SLCO3A1: variants seen among roughly 807,000 people sequenced by gnomAD.
SLCO3A1 encodes the protein PGE1 transporter.
Under a neutral mutation model 63.1 loss-of-function variants are expected in SLCO3A1, and 27 were observed. That is an observed-to-expected ratio of 0.43 (90% CI 0.32 to 0.59). The LOEUF (loss-of-function observed/expected upper bound fraction) is 0.59, where lower values mean the gene tolerates loss of function less well. Ranked by LOEUF, SLCO3A1 falls within the 20% of genes least tolerant of loss-of-function variation. The pLI is 0.09. For synonymous variants in SLCO3A1, 473 were observed against 409.9 expected, an observed-to-expected ratio of 1.15 and a Z score of -1.86; for missense variants, 773 against 945.8, an observed-to-expected ratio of 0.82 and a Z score of 2.40.
rs2048205427 is a variant in SLCO3A1, at chr15:92,145,220, TGA to T, written c.1513-1760_1513-1759del. Among the ~76,000 whole-genome samples the T allele has an allele frequency of 2.0e-5, 3 of 152,126 alleles. No individual in the cohort carries two copies. In the South Asian group the frequency reaches 6.2e-4, roughly 32 times the overall value. On this transcript the variant is annotated intron_variant, in intron 7 of 9. Transcript: ENST00000318445. ...GAAACAGAAGCCAGTCAGAGTCAGC[TGA>T]GAGCGTGGGAGAAAAGGAAATGCAG...
chr15:92,004,294 T>C (rs1448167276), intron 2 of SLCO3A1, among the ~76,000 whole-genome samples: 3 of 152,224 alleles, frequency 2.0e-5, no homozygotes, highest in Non-Finnish European at 2.9e-5. Flanking sequence ...GCTCAGCCTC[T>C]GCATCCTCCT....
At chr15:91,934,356 C>T (rs1399189150) in intron 2 of SLCO3A1, among the ~76,000 whole-genome samples, 1 of 152,194 alleles carries the variant, frequency 6.6e-6, no homozygotes, top group Non-Finnish European at 1.5e-5. Flanking sequence ...AGTGAATGGT[C>T]AGGGTCTTGC....
At chr15:92,123,347 C>T (rs540869563) in intron 5 of SLCO3A1, among the ~76,000 whole-genome samples, 1 of 152,156 alleles carries the variant, frequency 6.6e-6, no homozygotes, top group Non-Finnish European at 1.5e-5. Flanking sequence ...GTGGAGGTTG[C>T]AGTGAGCCGA....
chr15:92,023,836 T>C (rs1311717265), intron 2 of SLCO3A1, among the ~76,000 whole-genome samples: 1 of 152,200 alleles, frequency 6.6e-6, no homozygotes, highest in Non-Finnish European at 1.5e-5. Flanking sequence ...CTACAGAAAC[T>C]CATTCTGAAG....
rs561315435 is a variant in SLCO3A1 at position 91,854,726 on chromosome 15, C to T, written c.180+638C>T. Among the ~76,000 whole-genome samples the T allele has an allele frequency of 2.2e-4, 34 of 152,302 alleles. 1 individual carries two copies. Among genetic ancestry groups the T allele is most frequent in the Admixed American group, 1.9e-3 (29 of 15,310 alleles). ...GGATAAAGTTACGGTACCTAGAGAGCAGCTGCGAGTTTGTGTAGTTCCTGC... is the reference window on the plus strand; with the variant it reads ...GGATAAAGTTACGGTACCTAGAGAGTAGCTGCGAGTTTGTGTAGTTCCTGC... On this transcript the variant is annotated intron_variant, in intron 1 of 9. Transcript: ENST00000318445. The surrounding 1 kb of genome is among the most constrained non-coding windows in gnomAD (Gnocchi z 6.4).
chr15:92,101,068 A>C (rs1460155724), intron 3 of SLCO3A1, among the ~76,000 whole-genome samples: 1 of 152,136 alleles, frequency 6.6e-6, no homozygotes, highest in Non-Finnish European at 1.5e-5. Flanking sequence ...CACTGATAAC[A>C]TCTACCACAC....
chr15:91,983,762 C>A (rs1832053081), intron 2 of SLCO3A1, among the ~76,000 whole-genome samples: 1 of 151,984 alleles, frequency 6.6e-6, no homozygotes, highest in South Asian at 2.1e-4. Flanking sequence ...TGGAATGTGC[C>A]CTGGTAGCAG....
chr15:92,147,452 C>A lies in SLCO3A1; in HGVS notation c.1688+293C>A, dbSNP rs375066822. Among the ~76,000 whole-genome samples, 3 of 152,232 alleles carry A rather than the reference C, an allele frequency of 2.0e-5. No homozygotes were observed. In the South Asian group the frequency reaches 6.2e-4, roughly 32 times the overall value. On this transcript the variant is annotated intron_variant, in intron 8 of 9. Coordinates refer to ENST00000318445, the MANE Select transcript of SLCO3A1 (RefSeq NM_013272.4). ...CTGCATTGAGCCTTACAGGACGCAG[C>A]CTCGTTGGAGGAAAATGAAAGTGGC...
intron 2 of SLCO3A1, among the ~76,000 whole-genome samples, chr15:92,034,086 A>G (rs544717207): frequency 1.4e-5 from 2 of 147,092 alleles, no homozygotes; most frequent in African/African-American, 4.9e-5. Flanking sequence ...GAGAAGCGAC[A>G]TGGTCTGACA....
intron 2 of SLCO3A1, among the ~76,000 whole-genome samples, chr15:92,016,642 G>T (rs1205644964): frequency 1.3e-5 from 2 of 152,264 alleles, no homozygotes; most frequent in East Asian, 3.9e-4. Flanking sequence ...TTAATAAGGG[G>T]CTGCATCAGG....
intron 2 of SLCO3A1, among the ~76,000 whole-genome samples, chr15:92,086,473 AT>A (rs2151528739): frequency 6.6e-6 from 1 of 151,898 alleles, no homozygotes; most frequent in South Asian, 2.1e-4. Context: ...TTTCTCATCA[AT>A]TTATAGTAGT....
Position 91,882,051 on chromosome 15 carries a change from A to T in SLCO3A1, c.180+27963A>T, listed in dbSNP as rs1897602271. On this transcript the variant is annotated intron_variant, in intron 1 of 9. Transcript: ENST00000318445. The surrounding 1 kb of genome is among the most constrained non-coding windows in gnomAD (Gnocchi z 4.4). ...GGTTCTAAAGCAGCCACTGAGACCAATGTTATATGGAGGTGGAATATTACT... is the reference window on the plus strand; with the variant it reads ...GGTTCTAAAGCAGCCACTGAGACCATTGTTATATGGAGGTGGAATATTACT... 6.6e-6 allele frequency among the ~76,000 whole-genome samples: 1 copy of T among 152,200 alleles called. No homozygotes were observed. Among genetic ancestry groups the T allele is most frequent in the African/African-American group, 2.4e-5 (1 of 41,452 alleles).
intron 8 of SLCO3A1, among the ~76,000 whole-genome samples, chr15:92,147,819 G>GTAAC (rs2151589793): frequency 6.6e-6 from 1 of 152,266 alleles, no homozygotes; most frequent in African/African-American, 2.4e-5. Flanking sequence ...AATATTCTGA[G>GTAAC]TAACTTTTAT....
rs765260047 is a variant in SLCO3A1 at position 91,916,169 on chromosome 15, C to T, written c.357C>T (p.Gly119=). The T allele has an allele frequency of 1.9e-6, 3 of 1,604,164 alleles. No individual in the cohort carries two copies. In the East Asian group the frequency reaches 6.7e-5, roughly 36 times the overall value. ...GCGGCGGCATCGTCATGGCGCTGGGCGCGCTGCTGTCGGCGCTGCCCGAGT... is the reference window on the plus strand; with the variant it reads ...GCGGCGGCATCGTCATGGCGCTGGGTGCGCTGCTGTCGGCGCTGCCCGAGT... The part of the protein sequence containing the change: ...IGCGGIVMAL[G]ALLSALPEFL... The change falls in exon 2 of 10, where the codon GGC becomes GGT. Residue 119 remains glycine (G), a synonymous_variant. Transcript: ENST00000318445. This position sits in a 1 kb window ranked among gnomAD's most constrained non-coding sequence, Gnocchi z 6.2.
At chr15:91,934,750 G>A (rs1439947957) in intron 2 of SLCO3A1, among the ~76,000 whole-genome samples, 3 of 152,076 alleles carry the variant, frequency 2.0e-5, no homozygotes, top group African/African-American at 7.2e-5. Flanking sequence ...CATAATAGAT[G>A]GTTTCTTTTT....
intron 2 of SLCO3A1, among the ~76,000 whole-genome samples, chr15:91,945,654 C>A (rs1899781375): frequency 6.6e-6 from 1 of 152,186 alleles, no homozygotes; most frequent in African/African-American, 2.4e-5. Flanking sequence ...CAGCTGGCCC[C>A]ACAGGGCCTG....
chr15:92,131,594 C>T (rs1276830505), intron 7 of SLCO3A1, among the ~76,000 whole-genome samples: 1 of 145,236 alleles, frequency 6.9e-6, no homozygotes, highest in Non-Finnish European at 1.5e-5. Context: ...TCTTGAACTC[C>T]TGACCTCAAG....
chr15:92,042,292 C>A (rs1304421376), intron 2 of SLCO3A1, among the ~76,000 whole-genome samples: 3 of 152,238 alleles, frequency 2.0e-5, no homozygotes, highest in Middle Eastern at 3.4e-3. Context: ...ATCATCTTGC[C>A]TAGCGAACTT....
At chr15:91,990,716 C>G (rs1364636214) in intron 2 of SLCO3A1, among the ~76,000 whole-genome samples, 1 of 152,052 alleles carries the variant, frequency 6.6e-6, no homozygotes, top group Admixed American at 6.6e-5. Flanking sequence ...CAGATATTTT[C>G]TCTAATTTGG....
Sources: gnomAD v4.1 joint callset for allele counts (sites outside exome capture counted in the v4.1 genomes callset) on GRCh38, gnomAD v4.1.1 for gene constraint, Gnocchi (gnomAD v3.1) non-coding constraint, MANE v1.5 for transcripts, NCBI Gene and HGNC (gene_info 2026-07-23, HGNC 2026-07-21) for gene names.